Variants in ERG observed in about 807,000 individuals in gnomAD.
The protein encoded by ERG is ETS transcription factor ERG.
Under a neutral mutation model 55.3 loss-of-function variants are expected in ERG, and 9 were observed. That is an observed-to-expected ratio of 0.16 (90% confidence interval 0.10 to 0.28). The LOEUF is 0.28. Among genes scored for constraint, ERG ranks in the 10% least tolerant of loss-of-function variants. ERG has a pLI of 1.00. For synonymous variants in ERG, 223 were observed against 237.3 expected, an observed-to-expected ratio of 0.94 and a Z score of 0.55; for missense variants, 434 against 631.6, an observed-to-expected ratio of 0.69 and a Z score of 3.35.
intron 1 of ERG, among the ~76,000 whole-genome samples, chr21:38,462,005 G>A (rs966790664): frequency 1.0e-4 from 15 of 148,898 alleles, no homozygotes; most frequent in South Asian, 2.1e-4. Flanking sequence ...TTTTTGAGAC[G>A]GAGTCTCGCC....
chr21:38,482,921 A>G (rs1442586247), intron 1 of ERG, among the ~76,000 whole-genome samples: 2 of 152,170 alleles, frequency 1.3e-5, no homozygotes, highest in Non-Finnish European at 2.9e-5. Context: ...CAAGTGATCC[A>G]CCTACCGTGG....
At chr21:38,432,856 G>A (rs1164848135) in intron 2 of ERG, among the ~76,000 whole-genome samples, 1 of 152,164 alleles carries the variant, frequency 6.6e-6, no homozygotes, top group East Asian at 1.9e-4. Flanking sequence ...TGGTAAATCC[G>A]TGTGAGGAGT....
intron 2 of ERG, among the ~76,000 whole-genome samples, chr21:38,560,345 A>C (rs1039287521): frequency 6.6e-6 from 1 of 152,108 alleles, no homozygotes; most frequent in Non-Finnish European, 1.5e-5. Flanking sequence ...GCATCTGAAC[A>C]ACCTCCAGCT....
intron 1 of ERG, among the ~76,000 whole-genome samples, chr21:38,616,024 G>A (rs188395748): frequency 7.9e-5 from 12 of 152,186 alleles, no homozygotes; most frequent in Admixed American, 3.9e-4. Context: ...TAAACCCCAC[G>A]TGTCAAGAAA....
chr21:38,541,528 A>C (rs1056412284), intron 2 of ERG, among the ~76,000 whole-genome samples: 2 of 152,222 alleles, frequency 1.3e-5, no homozygotes, highest in African/African-American at 2.4e-5. Context: ...TGTACTGCTA[A>C]ATTTATCTCA....
intron 1 of ERG, among the ~76,000 whole-genome samples, chr21:38,619,301 C>T (rs2060276551): frequency 1.3e-5 from 2 of 152,214 alleles, no homozygotes; most frequent in African/African-American, 2.4e-5. Context: ...TTCTCCAAGA[C>T]ATGGGATGTG....
intron 1 of ERG, among the ~76,000 whole-genome samples, chr21:38,488,789 T>C (rs1183428557): frequency 3.3e-5 from 5 of 152,250 alleles, no homozygotes. Context: ...TTTTCCATGA[T>C]TCAAAGGAGA....
In ERG at chr21:38,648,360, T is replaced by C. The variant is rs539283711; in HGVS notation, c.-150+13298A>G. On this transcript the variant is annotated intron_variant, in intron 1 of 10. Coordinates refer to the ERG transcript ENST00000398910. ...TGACCAGTGCCGTCCTGATCCTTGC[T>C]GGAGAAAGAAATGGAGGCATTTTAC... is the stretch of plus-strand genomic sequence containing the variant. 7.9e-5 allele frequency among the ~76,000 whole-genome samples: 12 copies of C among 152,364 alleles called. No homozygotes were observed. The East Asian group carries it at 1.9e-3, about 24-fold the overall frequency.
chr21:38,582,044 CAAAAA>C (rs35717235), intron 1 of ERG, among the ~76,000 whole-genome samples: 7 of 87,932 alleles, frequency 8.0e-5, no homozygotes, highest in Admixed American at 6.3e-4. Context: ...CTCCATCTCA[CAAAAA>C]AAAAAAAAAA....
chr21:38,549,262 C>A (rs561147120), intron 2 of ERG, among the ~76,000 whole-genome samples: 3 of 152,228 alleles, frequency 2.0e-5, no homozygotes, highest in Admixed American at 6.5e-5. Flanking sequence ...GGTGATAAAT[C>A]ATCATACTAA....
At chr21:38,508,074 C>CACACACAAAG (rs2059483412) in intron 2 of ERG, among the ~76,000 whole-genome samples, 2 of 33,850 alleles carry the variant, frequency 5.9e-5, no homozygotes, top group African/African-American at 2.1e-4. Context: ...CACACATGCA[C>CACACACAAAG]ACACATATAT....
At chr21:38,540,187 G>A (rs940753748) in intron 2 of ERG, among the ~76,000 whole-genome samples, 4 of 152,022 alleles carry the variant, frequency 2.6e-5, no homozygotes, top group Admixed American at 2.0e-4. Context: ...GAGCCACTGT[G>A]CCAGTTAAAA....
intron 5 of ERG, 101 bp downstream of exon 5, chr21:38,402,456 C>G: frequency 1.2e-6 from 1 of 807,324 alleles, no homozygotes; most frequent in South Asian, 1.6e-5. Context: ...TACCTGCGTT[C>G]TGTCTTCCTG....
At chr21:38,608,051 C>T (rs374783972) in intron 1 of ERG, among the ~76,000 whole-genome samples, 105 of 152,184 alleles carry the variant, frequency 6.9e-4, no homozygotes, top group African/African-American at 2.3e-3. Flanking sequence ...ATGAAAGTCA[C>T]AAAATAAGTT....
At chr21:38,475,908 C>A (rs990996774) in intron 1 of ERG, among the ~76,000 whole-genome samples, 1 of 152,140 alleles carries the variant, frequency 6.6e-6, no homozygotes, top group Admixed American at 6.5e-5. Flanking sequence ...TTTCCACACA[C>A]CAAATCCCAA....
upstream of ERG, among the ~76,000 whole-genome samples, chr21:38,499,661 A>C (rs1482149791): frequency 6.6e-6 from 1 of 151,956 alleles, no homozygotes. Flanking sequence ...TCTGGCTTTT[A>C]TTATATACCT....
chr21:38,652,553 C>G (rs1234334122), intron 1 of ERG, among the ~76,000 whole-genome samples: 2 of 152,330 alleles, frequency 1.3e-5, no homozygotes, highest in Admixed American at 1.3e-4. Context: ...GCCCGCCAGG[C>G]AGGCCTCAGG....
downstream of ERG, chr21:38,379,962 A>C (rs1042676748): frequency 1.0e-5 from 10 of 979,404 alleles, no homozygotes; most frequent in African/African-American, 1.8e-4. Flanking sequence ...AAGTGTTGGG[A>C]TTACAGGTGT....
chr21:38,373,926 CTATTA>C, the ERG span, among the ~76,000 whole-genome samples: 5 of 152,094 alleles, frequency 3.3e-5, no homozygotes, highest in Non-Finnish European at 7.4e-5. Context: ...TGTCACCTTT[CTATTA>C]TATTTCACAG....
Sources: allele counts gnomAD v4.1 joint callset (sites outside exome capture counted in the v4.1 genomes callset), GRCh38; gene constraint gnomAD v4.1.1; transcripts MANE v1.5; gene names NCBI Gene and HGNC (gene_info 2026-07-23, HGNC 2026-07-21).